Variants in PKD1L1 observed in about 807,000 individuals in gnomAD.
PKD1L1 encodes the protein polycystin-1-like protein 1.
In PKD1L1, 236 loss-of-function variants were observed where a neutral mutation model predicts 323.4. The ratio of observed to expected loss-of-function variants is 0.73; its 90% CI spans 0.66 to 0.81. The LOEUF (loss-of-function observed/expected upper bound fraction) is 0.81. Ranked by LOEUF, PKD1L1 falls within the 40% of genes least tolerant of loss-of-function variation. PKD1L1 has a pLI of 0.00. For synonymous variants in PKD1L1, 1,344 were observed against 1,335.0 expected (o/e 1.01, Z -0.15); for missense variants, 3,320 against 3,508.0 (o/e 0.95, Z 1.35).
At chr7:47,791,293 G>A (rs538817375) in intron 56 of PKD1L1, among the ~76,000 whole-genome samples, 1 of 151,710 alleles carries the variant, frequency 6.6e-6, no homozygotes, top group East Asian at 1.9e-4. Context: ...TTTTTCTCTT[G>A]CAGAATTTTC....
In PKD1L1 at chr7:47,835,214, T is replaced by A; in HGVS notation, c.5973A>T (p.Gly1991=). ...TACACAGGAGACCCACCCTGAAGGATCCAAGGGTGGGGCTGACGTCCAAGT... is the reference window on the plus strand; with the variant it reads ...TACACAGGAGACCCACCCTGAAGGAACCAAGGGTGGGGCTGACGTCCAAGT... ...QPHLDVSPTL[G]SFRVGLLCTL... is the part of the protein sequence containing the mutation. Residue 1991 remains glycine (G), a synonymous_variant, in exon 38 of 57, where the codon GGA becomes GGT. Transcript: ENST00000289672. 1 of 1,590,392 alleles carries A rather than the reference T, an allele frequency of 6.3e-7. No individual in the cohort carries two copies. Among genetic ancestry groups the A allele is most frequent in the Non-Finnish European group, 8.5e-7 (1 of 1,174,084 alleles).
At chr7:47,866,661 A>G in intron 24 of PKD1L1, 47 bp from the exon 25 acceptor site, 1 of 1,489,058 alleles carries the variant, frequency 6.7e-7, no homozygotes, top group Non-Finnish European at 9.1e-7. Context: ...CACACGGCAA[A>G]ACTTTTCACC....
Position 47,905,141 on chromosome 7 carries a change from TG to T in PKD1L1, c.1691+15del, listed in dbSNP as rs767421650. The stretch of plus-strand genomic sequence containing the variant: ...AGTACAAACAGCTACTCAGCAGGAC[TG>T]CTACTTTTACTGACCATTGGGGGAT... On this transcript the variant is annotated intron_variant, in intron 11 of 56. Coordinates refer to ENST00000289672, the MANE Select transcript of PKD1L1 (RefSeq NM_138295.5). 1 of 1,611,412 alleles carries T rather than the reference TG, an allele frequency of 6.2e-7. No homozygotes were observed. The highest frequency in any genetic ancestry group is 1.1e-5 in the South Asian group (1 of 90,572).
In PKD1L1 at chr7:47,813,815, A is replaced by G. The variant is rs6944477; in HGVS notation, c.7173+116T>C. ...CCCAGCCCCGGCACTGACAATTCCA[A>G]TTACCACTGAACTCACAGAGAAGTT... is the stretch of plus-strand genomic sequence containing the variant. On this transcript the variant is annotated intron_variant, in intron 48 of 56. Coordinates refer to ENST00000289672, the MANE Select transcript of PKD1L1 (RefSeq NM_138295.5). The G allele has an allele frequency of 0.22, 195,823 of 887,626 alleles. 22,531 individuals carry two copies. The highest frequency in any genetic ancestry group is 0.24 in the Middle Eastern group (1,125 of 4,600). The allele number at this position is 887,626 out of a possible 1,614,324, so 55.0% of individuals were successfully genotyped here. A position where few individuals can be genotyped will look rare whatever the true frequency, so the allele number is the denominator to read the frequency against.
chr7:47,817,939 C>T, intron 46 of PKD1L1: 4 of 982,466 alleles, frequency 4.1e-6, no homozygotes, highest in Admixed American at 3.0e-5. Flanking sequence ...GGTTTTATTT[C>T]TTTTTTCTTA....
At position 47,922,743 on chromosome 7, in the gene PKD1L1, T is replaced by C. The variant is rs189381979; in HGVS notation, c.1060+6461A>G. Among the ~76,000 whole-genome samples the C allele has an allele frequency of 8.9e-3, 1,316 of 148,622 alleles. 5 individuals carry two copies. The highest frequency in any genetic ancestry group is 0.018 in the Middle Eastern group (5 of 274). On this transcript the variant is annotated intron_variant, in intron 7 of 56. Transcript: ENST00000289672. ...CCGCCCCGTCCGGCCAGCCGCCCCG[T>C]TGGGGAGGTGGGGGGCAGCCCCCAC...
intron 51 of PKD1L1, 79 bp from the exon 52 acceptor site, chr7:47,808,466 A>T: frequency 1.9e-6 from 3 of 1,553,228 alleles, no homozygotes; most frequent in Non-Finnish European, 2.6e-6. Flanking sequence ...ACGCGTTTGT[A>T]AGTTACAGTC....
At chr7:47,959,570 G>GAGACC in the PKD1L1 span, among the ~76,000 whole-genome samples, 1 of 143,176 alleles carries the variant, frequency 7.0e-6, no homozygotes, top group Non-Finnish European at 1.6e-5. Context: ...GAGAAGTGAG[G>GAGACC]AGACCCTCCG....
chr7:47,851,819 A>AT (rs1254863338), intron 31 of PKD1L1, among the ~76,000 whole-genome samples: 1 of 152,174 alleles, frequency 6.6e-6, no homozygotes, highest in Non-Finnish European at 1.5e-5. Context: ...ACCTAAGCTC[A>AT]TAAAAAAAAG....
chr7:47,892,818 C>A (rs1282041656), intron 15 of PKD1L1, among the ~76,000 whole-genome samples: 1 of 151,914 alleles, frequency 6.6e-6, no homozygotes, highest in Non-Finnish European at 1.5e-5. Context: ...GAGCCCAAGA[C>A]CCTGGCAGCT....
chr7:47,878,101 C>T (rs1189966539), intron 21 of PKD1L1, among the ~76,000 whole-genome samples: 1 of 152,072 alleles, frequency 6.6e-6, no homozygotes, highest in Non-Finnish European at 1.5e-5. Context: ...AAACCTTAGC[C>T]ACATACACAC....
chr7:47,919,804 C>T (rs537143393), intron 7 of PKD1L1, among the ~76,000 whole-genome samples: 48 of 152,096 alleles, frequency 3.2e-4, no homozygotes, highest in Non-Finnish European at 6.5e-4. Flanking sequence ...AAGCATTCAA[C>T]AAAATCCAGC....
At chr7:47,890,867 G>A in intron 15 of PKD1L1, 104 bp from the exon 16 acceptor site, 6 of 953,352 alleles carry the variant, frequency 6.3e-6, no homozygotes, top group Non-Finnish European at 9.7e-6. Flanking sequence ...GACCACAGGG[G>A]ACACGTGCTG....
intron 46 of PKD1L1, chr7:47,818,303 A>G (rs1785065853): frequency 1.2e-6 from 1 of 840,724 alleles, no homozygotes; most frequent in Non-Finnish European, 1.6e-6. Flanking sequence ...GAGGCAAAGG[A>G]TGGCTGGAGG....
At position 47,910,540 on chromosome 7, in the gene PKD1L1, G is replaced by A. The variant is rs1461699773; in HGVS notation, c.1229-2290C>T. Among the ~76,000 whole-genome samples the A allele has an allele frequency of 5.3e-5, 8 of 151,936 alleles. No individual in the cohort carries two copies. In the South Asian group the frequency reaches 6.2e-4, roughly 12 times the overall value. ...TTTTTAGTAGAGACAGGGTTTCACC[G>A]TGTTAGCCAGGATGGTCTCGATCTC... On this transcript the variant is annotated intron_variant, in intron 8 of 56. Transcript: ENST00000289672.
At chr7:47,801,672 C>T (rs577864354) in intron 53 of PKD1L1, among the ~76,000 whole-genome samples, 2 of 152,168 alleles carry the variant, frequency 1.3e-5, no homozygotes, top group Non-Finnish European at 2.9e-5. Flanking sequence ...CCTACAAATG[C>T]ACTAGGACTC....
Position 47,931,144 on chromosome 7 carries a change from G to A in PKD1L1, c.697C>T (p.Pro233Ser). ...GGAAAATGTGAAATCGGCCACAGGGGCACTCGCTGGGAGCTGGTCTGAGTG... is the reference window on the plus strand; with the variant it reads ...GGAAAATGTGAAATCGGCCACAGGGACACTCGCTGGGAGCTGGTCTGAGTG... ...RPTQTSSQRVPLWPISHFPTS... is the reference protein window; with the variant it reads ...RPTQTSSQRVSLWPISHFPTS... The change falls in exon 6 of 57, where the codon CCC becomes TCC. Residue 233 changes from proline (P) to serine (S), a missense_variant. Transcript: ENST00000289672. The A allele has an allele frequency of 6.2e-7, 1 of 1,614,216 alleles. No homozygotes were observed.
chr7:47,959,164 G>T, the PKD1L1 span, among the ~76,000 whole-genome samples: 2 of 152,026 alleles, frequency 1.3e-5, no homozygotes, highest in Admixed American at 1.3e-4. Flanking sequence ...CGTGATCTCG[G>T]CTCGCTACAA....
chr7:47,959,614 C>G, the PKD1L1 span, among the ~76,000 whole-genome samples: 5 of 107,600 alleles, frequency 4.6e-5, no homozygotes, highest in African/African-American at 1.2e-4. Context: ...AGTGAGGAGC[C>G]CCTCCGCCCG....
Sources: allele counts gnomAD v4.1 joint callset (sites outside exome capture counted in the v4.1 genomes callset), GRCh38; gene constraint gnomAD v4.1.1; transcripts MANE v1.5; gene names NCBI Gene and HGNC (gene_info 2026-07-23, HGNC 2026-07-21).